ITGA4: variants seen among roughly 807,000 people sequenced by gnomAD.
ITGA4 encodes integrin alpha-4.
ITGA4 carries 63 observed loss-of-function variants against 133.6 expected under a neutral mutation model. The observed-to-expected ratio is 0.47, with a 90% confidence interval of 0.38 to 0.58. ITGA4 has a LOEUF of 0.58. ITGA4 is among the 20% of genes least tolerant of loss of function. ITGA4 has a pLI of 0.00. For synonymous variants in ITGA4, 483 were observed against 438.0 expected (o/e 1.10, Z -1.28); for missense variants, 1,076 against 1,252.7 (o/e 0.86, Z 2.13).
In ITGA4 at chr2:181,535,753, A is replaced by C. The variant is rs1687057419; in HGVS notation, c.*226A>C. ...AGCCAAAGATAATCTCTCAGCTTTTAAATGGGTAGAGAAACACTAAAGCAT... is the reference window on the plus strand; with the variant it reads ...AGCCAAAGATAATCTCTCAGCTTTTCAATGGGTAGAGAAACACTAAAGCAT... On this transcript the variant is annotated 3_prime_UTR_variant, in exon 28 of 28. Coordinates refer to ENST00000397033, the MANE Select transcript of ITGA4 (RefSeq NM_000885.6). The C allele has an allele frequency of 2.5e-6, 1 of 394,470 alleles. No individual in the cohort carries two copies. Among genetic ancestry groups the C allele is most frequent in the Non-Finnish European group, 4.5e-6 (1 of 224,626 alleles). The allele number at this position is 394,470 out of a possible 1,614,324, so 24.4% of individuals were successfully genotyped here. A position where few individuals can be genotyped will look rare whatever the true frequency, so the allele number is the denominator to read the frequency against.
At chr2:181,480,924 C>A (rs1000315925) in intron 6 of ITGA4, among the ~76,000 whole-genome samples, 2 of 152,122 alleles carry the variant, frequency 1.3e-5, no homozygotes, top group African/African-American at 4.8e-5. Flanking sequence ...ATGTCCATTA[C>A]AAGAAAATAA....
At chr2:181,501,275 G>A (rs1444100571) in intron 15 of ITGA4, among the ~76,000 whole-genome samples, 5 of 152,086 alleles carry the variant, frequency 3.3e-5, no homozygotes, top group East Asian at 1.9e-4. Context: ...GTATTCCAGC[G>A]AGAAAAGCTG....
chr2:181,478,349 C>T (rs550451612), intron 4 of ITGA4, among the ~76,000 whole-genome samples: 84 of 152,038 alleles, frequency 5.5e-4, no homozygotes, highest in African/African-American at 2.0e-3. Flanking sequence ...ACTCTAAATG[C>T]ACAAAAAAGA....
intron 15 of ITGA4, among the ~76,000 whole-genome samples, chr2:181,500,579 G>T (rs1686246460): frequency 6.6e-6 from 1 of 152,108 alleles, no homozygotes; most frequent in Non-Finnish European, 1.5e-5. Context: ...GGTACCAGGA[G>T]TGGGAATGTT....
intron 4 of ITGA4, 44 bp downstream of exon 4, chr2:181,475,332 G>T: frequency 6.8e-7 from 1 of 1,472,960 alleles, no homozygotes; most frequent in South Asian, 1.2e-5. Flanking sequence ...ATAAGTAAGT[G>T]AATACCTTTT....
chr2:181,526,821 CTTTTTTTTTTTTTTTTTT>C (rs538208494), intron 21 of ITGA4, among the ~76,000 whole-genome samples: 2,423 of 41,126 alleles, frequency 0.059, 204 homozygotes, highest in Middle Eastern at 0.15. Flanking sequence ...AGCACATGGC[CTTTTTTTTTTTTTTTTTT>C]TTTTTTTTTT....
intron 2 of ITGA4, among the ~76,000 whole-genome samples, chr2:181,462,435 A>G (rs558818390): frequency 2.2e-4 from 34 of 152,258 alleles, no homozygotes; most frequent in African/African-American, 8.2e-4. Flanking sequence ...CCTCACTTCT[A>G]CTTGATTCAT....
intron 10 of ITGA4, among the ~76,000 whole-genome samples, chr2:181,489,718 G>A (rs897540438): frequency 8.8e-5 from 13 of 148,178 alleles, no homozygotes; most frequent in East Asian, 3.9e-4. Context: ...ATTACATAGC[G>A]ATCAAGTCAG....
intron 3 of ITGA4, 22 bp from the exon 4 acceptor site, chr2:181,475,137 G>A (rs774853787): frequency 1.9e-6 from 3 of 1,613,218 alleles, no homozygotes; most frequent in Non-Finnish European, 2.5e-6. Context: ...CACATCATTT[G>A]GTCTACTTTT....
chr2:181,458,357 C>T, intron 2 of ITGA4, 40 bp downstream of exon 2: 2 of 1,595,242 alleles, frequency 1.3e-6, no homozygotes, highest in Non-Finnish European at 8.5e-7. Flanking sequence ...GACCTCCCGA[C>T]CCCCCATGTG....
In ITGA4 at chr2:181,523,581, T is replaced by C. The variant is rs1187095104; in HGVS notation, c.2169+49T>C. On this transcript the variant is annotated intron_variant, in intron 19 of 27. Coordinates refer to ENST00000397033, the MANE Select transcript of ITGA4 (RefSeq NM_000885.6). The surrounding 1 kb of genome is among the most constrained non-coding windows in gnomAD (Gnocchi z 4.2). ...TTTGTTCACTATCATGAATATTTTT[T>C]TCTATTCTTCCCTATCTTTAGGTTG... is the stretch of plus-strand genomic sequence containing the variant. 9.8e-7 allele frequency: 1 copy of C among 1,018,968 alleles called. No homozygotes were observed. The highest frequency in any genetic ancestry group is 2.4e-5 in the East Asian group (1 of 41,654). 63.1% of individuals were successfully genotyped at this position (1,018,968 alleles called of 1,614,324 possible).
chr2:181,487,391 G>A (rs1685946514), intron 10 of ITGA4, among the ~76,000 whole-genome samples: 1 of 152,078 alleles, frequency 6.6e-6, no homozygotes, highest in African/African-American at 2.4e-5. Flanking sequence ...AAGGGGACGG[G>A]ACACCTGGTT....
At chr2:181,528,698 AC>A (rs1686882955) in intron 22 of ITGA4, among the ~76,000 whole-genome samples, 3 of 152,328 alleles carry the variant, frequency 2.0e-5, no homozygotes, top group Admixed American at 2.0e-4. Context: ...ATTTGGAGAC[AC>A]TTTCTTCATC....
At chr2:181,534,181 G>A in intron 25 of ITGA4, 91 bp from the exon 26 acceptor site, 1 of 745,590 alleles carries the variant, frequency 1.3e-6, no homozygotes, top group Admixed American at 2.7e-5. Flanking sequence ...AAGGTAAATT[G>A]TGAAAACCTC....
chr2:181,533,502 A>G (rs748931390), intron 25 of ITGA4, among the ~76,000 whole-genome samples: 1 of 152,082 alleles, frequency 6.6e-6, no homozygotes, highest in Non-Finnish European at 1.5e-5. Context: ...TGTCCTGTGC[A>G]TTGTAGGATA....
chr2:181,512,081 C>G (rs1686517933), intron 17 of ITGA4, among the ~76,000 whole-genome samples: 1 of 151,980 alleles, frequency 6.6e-6, no homozygotes, highest in Non-Finnish European at 1.5e-5. Context: ...TAACACATAG[C>G]AAAGACTGGA....
intron 1 of ITGA4, 23 bp downstream of exon 1, chr2:181,457,874 G>A (rs1685166066): frequency 1.3e-6 from 2 of 1,583,492 alleles, no homozygotes; most frequent in African/African-American, 1.3e-5. Context: ...GGACTGATGC[G>A]CCCTCAGCAG....
intron 17 of ITGA4, among the ~76,000 whole-genome samples, chr2:181,513,992 G>A (rs1236673388): frequency 6.6e-6 from 1 of 152,102 alleles, no homozygotes; most frequent in Non-Finnish European, 1.5e-5. Context: ...AACAGTGCCT[G>A]GAGTGCTGCA....
chr2:181,519,956 C>T lies in ITGA4; in HGVS notation c.1923-2235C>T, dbSNP rs1441632521. Reference sequence around the variant, plus strand: ...ACATTTAATACAGACATGTACTTACCTGCTTATATTTTTTGAAGACTGTGT... The same window carrying T: ...ACATTTAATACAGACATGTACTTACTTGCTTATATTTTTTGAAGACTGTGT... On this transcript the variant is annotated intron_variant, in intron 17 of 27. Coordinates refer to ENST00000397033, the MANE Select transcript of ITGA4 (RefSeq NM_000885.6). Among the ~76,000 whole-genome samples the T allele has an allele frequency of 1.3e-5, 2 of 152,072 alleles. 1 individual carries two copies. Among genetic ancestry groups the T allele is most frequent in the Non-Finnish European group, 2.9e-5 (2 of 68,004 alleles).
Sources: allele counts gnomAD v4.1 joint callset (sites outside exome capture counted in the v4.1 genomes callset), GRCh38; gene constraint gnomAD v4.1.1; non-coding constraint Gnocchi (gnomAD v3.1); transcripts MANE v1.5; gene names NCBI Gene and HGNC (gene_info 2026-07-23, HGNC 2026-07-21).